The following BABAM2 variants were observed in gnomAD, a reference collection of about 807,000 sequenced individuals.
The protein encoded by BABAM2 is BRISC and BRCA1-A complex member 2.
Under a neutral mutation model 54.7 loss-of-function variants are expected in BABAM2, and 31 were observed. The ratio of observed to expected loss-of-function variants is 0.57; its 90% CI spans 0.43 to 0.77. BABAM2 has a LOEUF of 0.77. Among genes scored for constraint, BABAM2 ranks in the 30% least tolerant of loss-of-function variants. The probability of loss-of-function intolerance (pLI) is 0.00; values close to 1 mark genes in which losing one functional copy is unlikely to be tolerated. For synonymous variants in BABAM2, 167 were observed against 162.9 expected, an observed-to-expected ratio of 1.03 and a Z score of -0.19; for missense variants, 364 against 455.8, an observed-to-expected ratio of 0.80 and a Z score of 1.83.
At chr2:27,921,234 A>G (rs1355416487) in intron 2 of BABAM2, among the ~76,000 whole-genome samples, 8 of 152,118 alleles carry the variant, frequency 5.3e-5, no homozygotes, top group Non-Finnish European at 1.2e-4. Context: ...GCCTTGATTT[A>G]TGTGTTTACA....
Position 28,121,354 on chromosome 2 carries a change from C to T in BABAM2, c.571-7917C>T, listed in dbSNP as rs536625145. On this transcript the variant is annotated intron_variant, in intron 6 of 11. Transcript: ENST00000379624. ...GAAATAACCTAATTACTGAAATGACCAGTGTCATTATGAGACAGACCTCTT... is the reference window on the plus strand; with the variant it reads ...GAAATAACCTAATTACTGAAATGACTAGTGTCATTATGAGACAGACCTCTT... 6.6e-5 allele frequency among the ~76,000 whole-genome samples: 10 copies of T among 152,282 alleles called. No individual in the cohort carries two copies. In the South Asian group the frequency reaches 2.1e-3, roughly 32 times the overall value.
At chr2:28,244,310 GC>G (rs1442026927) in intron 9 of BABAM2, among the ~76,000 whole-genome samples, 1 of 152,128 alleles carries the variant, frequency 6.6e-6, no homozygotes, top group African/African-American at 2.4e-5. Flanking sequence ...ACTATGTAGT[GC>G]CCAGTGAAAG....
At chr2:27,941,449 A>G (rs768859639) in intron 3 of BABAM2, among the ~76,000 whole-genome samples, 70 of 151,906 alleles carry the variant, frequency 4.6e-4, no homozygotes, top group Non-Finnish European at 8.2e-4. Flanking sequence ...CTAGCTTCTC[A>G]GGAGGCTCAG....
intron 7 of BABAM2, among the ~76,000 whole-genome samples, chr2:28,211,424 G>A (rs1334243581): frequency 1.2e-5 from 1 of 81,820 alleles, no homozygotes. Context: ...TTTCGCTCTT[G>A]TTGCCCAGGC....
chr2:27,979,548 C>T (rs1361559737), intron 3 of BABAM2, among the ~76,000 whole-genome samples: 1 of 152,012 alleles, frequency 6.6e-6, no homozygotes, highest in African/African-American at 2.4e-5. Context: ...AACTGCTTTC[C>T]ACAGTGGCTG....
intron 10 of BABAM2, among the ~76,000 whole-genome samples, chr2:28,260,199 T>G (rs989093894): frequency 6.6e-6 from 1 of 151,982 alleles, no homozygotes; most frequent in Non-Finnish European, 1.5e-5. Flanking sequence ...CCCAGCCTTC[T>G]GAATTCTTAC....
Position 28,229,441 on chromosome 2 carries a change from G to C in BABAM2, c.681-7761G>C, listed in dbSNP as rs1411303572. The stretch of plus-strand genomic sequence containing the variant: ...ATGATGCATTAGTGCTTAGTAAATG[G>C]AGTTATTATTCACTACTCTGTTCTG... On this transcript the variant is annotated intron_variant, in intron 7 of 11. Transcript: ENST00000379624. Among the ~76,000 whole-genome samples, 10 of 152,248 alleles carry C rather than the reference G, an allele frequency of 6.6e-5. No individual in the cohort carries two copies. In the East Asian group the frequency reaches 1.9e-3, roughly 29 times the overall value.
At chr2:27,960,404 A>G (rs927301319) in intron 3 of BABAM2, among the ~76,000 whole-genome samples, 1 of 151,804 alleles carries the variant, frequency 6.6e-6, no homozygotes, top group Non-Finnish European at 1.5e-5. Context: ...AGTCAGCAAA[A>G]GACTCATTGT....
chr2:27,889,587 C>T (rs1232796332), upstream of BABAM2, among the ~76,000 whole-genome samples: 2 of 152,142 alleles, frequency 1.3e-5, no homozygotes, highest in Non-Finnish European at 2.9e-5. Context: ...CCTAACTCAA[C>T]AATTTTCATT....
intron 7 of BABAM2, among the ~76,000 whole-genome samples, chr2:28,144,525 G>T (rs1671332498): frequency 6.6e-6 from 1 of 152,102 alleles, no homozygotes; most frequent in Admixed American, 6.6e-5. Context: ...AGATAATCTT[G>T]CATATTCTTC....
At chr2:27,936,559 C>T in intron 3 of BABAM2, among the ~76,000 whole-genome samples, 1 of 152,156 alleles carries the variant, frequency 6.6e-6, no homozygotes, top group East Asian at 1.9e-4. Context: ...AAATGTCCAA[C>T]AATGATAGAT....
chr2:28,165,228 G>T (rs963424503), intron 7 of BABAM2, among the ~76,000 whole-genome samples: 1 of 152,198 alleles, frequency 6.6e-6, no homozygotes, highest in Non-Finnish European at 1.5e-5. Flanking sequence ...TTTGAGGAAT[G>T]TGAAGGGTGT....
intron 4 of BABAM2, chr2:28,015,915 A>G (rs1254465919): frequency 5.1e-6 from 3 of 588,334 alleles, no homozygotes; most frequent in South Asian, 1.6e-5. Context: ...ACAAGGACTC[A>G]GATGATAAAG....
At position 27,971,856 on chromosome 2, in the gene BABAM2, AAG is replaced by A. The variant is rs560577624; in HGVS notation, c.206-16134_206-16133del. 1.8e-3 allele frequency among the ~76,000 whole-genome samples: 271 copies of A among 152,288 alleles called. 1 individual carries two copies. The highest frequency in any genetic ancestry group is 6.3e-3 in the African/African-American group (261 of 41,576). On this transcript the variant is annotated intron_variant, in intron 3 of 11. Transcript: ENST00000379624. ...AGTGTCACTTGCATTGTAGTTATTA[AAG>A]AGTTGATAACAAATTGCAGTAATGA...
chr2:28,219,929 G>A (rs1009982674), intron 7 of BABAM2, among the ~76,000 whole-genome samples: 2 of 152,104 alleles, frequency 1.3e-5, no homozygotes, highest in Non-Finnish European at 1.5e-5. Flanking sequence ...AATCAGGGCC[G>A]GTGAGAAAAA....
chr2:28,335,001 C>G (rs1267828862), intron 11 of BABAM2, among the ~76,000 whole-genome samples: 1 of 152,102 alleles, frequency 6.6e-6, no homozygotes, highest in African/African-American at 2.4e-5. Context: ...TTGGCTGGCT[C>G]AGGGCTGTGC....
At chr2:27,916,955 AC>A (rs1667014537) in intron 2 of BABAM2, among the ~76,000 whole-genome samples, 1 of 150,948 alleles carries the variant, frequency 6.6e-6, no homozygotes, top group African/African-American at 2.4e-5. Flanking sequence ...TCTTCTGATT[AC>A]AAGTTCTTGA....
At chr2:28,101,148 G>C (rs545959418) in intron 6 of BABAM2, among the ~76,000 whole-genome samples, 1 of 152,210 alleles carries the variant, frequency 6.6e-6, no homozygotes, top group South Asian at 2.1e-4. Context: ...ACTCATCCAG[G>C]TTTTAAATAA....
intron 6 of BABAM2, among the ~76,000 whole-genome samples, chr2:28,055,315 A>G (rs957072085): frequency 6.6e-5 from 10 of 152,196 alleles, no homozygotes; most frequent in Non-Finnish European, 7.3e-5. Flanking sequence ...GTCAAGTACT[A>G]TGGTTATTAC....
Sources: gnomAD v4.1 joint callset for allele counts (sites outside exome capture counted in the v4.1 genomes callset) on GRCh38, gnomAD v4.1.1 for gene constraint, MANE v1.5 for transcripts, NCBI Gene and HGNC (gene_info 2026-07-23, HGNC 2026-07-21) for gene names.